The following HS6ST3 variants were observed in gnomAD, a reference collection of about 807,000 sequenced individuals.
HS6ST3 encodes the protein heparan-sulfate 6-O-sulfotransferase 3.
Under a neutral mutation model 36.7 loss-of-function variants are expected in HS6ST3, and 12 were observed. The ratio of observed to expected loss-of-function variants is 0.33; its 90% CI spans 0.21 to 0.53. The LOEUF is 0.53. HS6ST3 is among the 20% of genes least tolerant of loss of function. The probability of loss-of-function intolerance (pLI) is 0.95; values close to 1 mark genes in which losing one functional copy is unlikely to be tolerated. For missense variants in HS6ST3, 584 were observed against 640.9 expected (o/e 0.91, Z 0.96); for synonymous variants, 240 against 257.5 (o/e 0.93, Z 0.65).
intron 1 of HS6ST3, among the ~76,000 whole-genome samples, chr13:96,198,701 C>G (rs932530465): frequency 1.3e-5 from 2 of 152,208 alleles, no homozygotes; most frequent in South Asian, 4.1e-4. Context: ...CTGAGACCAA[C>G]TCAGCCTGGG....
intron 1 of HS6ST3, among the ~76,000 whole-genome samples, chr13:96,282,989 G>A (rs2139394701): frequency 6.6e-6 from 1 of 152,284 alleles, no homozygotes; most frequent in Non-Finnish European, 1.5e-5. Context: ...TCACTCTACA[G>A]CTGTCCCCAG....
At chr13:96,789,614 C>G (rs370990991) in intron 1 of HS6ST3, among the ~76,000 whole-genome samples, 21 of 151,408 alleles carry the variant, frequency 1.4e-4, no homozygotes, top group East Asian at 5.8e-4. Flanking sequence ...AATATATTCT[C>G]TTAGGTTCCA....
chr13:96,812,777 C>G (rs1045320733), intron 1 of HS6ST3, among the ~76,000 whole-genome samples: 8 of 145,450 alleles, frequency 5.5e-5, no homozygotes, highest in African/African-American at 2.1e-4. Flanking sequence ...ATTTAAAAAT[C>G]AACACACACA....
intron 1 of HS6ST3, among the ~76,000 whole-genome samples, chr13:96,450,082 C>T (rs2055720257): frequency 6.6e-6 from 1 of 152,094 alleles, no homozygotes; most frequent in African/African-American, 2.4e-5. Context: ...TTCCAAAGAC[C>T]CAACTAGTTG....
At chr13:96,398,832 G>A (rs1373487177) in intron 1 of HS6ST3, among the ~76,000 whole-genome samples, 2 of 152,188 alleles carry the variant, frequency 1.3e-5, no homozygotes, top group Non-Finnish European at 2.9e-5. Flanking sequence ...AGCAGTTGCT[G>A]GCCCTGGAGG....
chr13:96,706,222 A>G (rs985820742), intron 1 of HS6ST3, among the ~76,000 whole-genome samples: 1 of 151,860 alleles, frequency 6.6e-6, no homozygotes, highest in Non-Finnish European at 1.5e-5. Context: ...ATATGCCCCT[A>G]ACAAATGAAC....
intron 1 of HS6ST3, among the ~76,000 whole-genome samples, chr13:96,210,332 G>A (rs189733282): frequency 6.6e-6 from 1 of 152,158 alleles, no homozygotes; most frequent in Non-Finnish European, 1.5e-5. Context: ...GGAGAGAAGA[G>A]ACTTTTCCTG....
chr13:96,464,150 A>AAAAAAAAAAAAAAAAAAAAC (rs1394539627), intron 1 of HS6ST3, among the ~76,000 whole-genome samples: 1 of 148,106 alleles, frequency 6.8e-6, no homozygotes, highest in Non-Finnish European at 1.5e-5. Context: ...AAAAAAAAAA[A>AAAAAAAAAAAAAAAAAAAAC]AAAAAAAAAA....
At chr13:96,145,505 T>G (rs4773936) in intron 1 of HS6ST3, among the ~76,000 whole-genome samples, 2 of 152,160 alleles carry the variant, frequency 1.3e-5, no homozygotes, top group Admixed American at 1.3e-4. Flanking sequence ...GGGTTGTTTG[T>G]TTTTTTCTTG....
At chr13:96,799,977 T>TAC (rs1878015370) in intron 1 of HS6ST3, among the ~76,000 whole-genome samples, 1 of 90,256 alleles carries the variant, frequency 1.1e-5, no homozygotes, top group African/African-American at 6.3e-5. Context: ...TATATATATA[T>TAC]ATATGTATAT....
intron 1 of HS6ST3, among the ~76,000 whole-genome samples, chr13:96,318,698 G>T (rs1296647235): frequency 6.6e-6 from 1 of 151,946 alleles, no homozygotes; most frequent in Non-Finnish European, 1.5e-5. Context: ...TCAGATGGTT[G>T]TAAATGTGTG....
At chr13:96,793,291 G>A (rs573706490) in intron 1 of HS6ST3, among the ~76,000 whole-genome samples, 4 of 152,114 alleles carry the variant, frequency 2.6e-5, no homozygotes, top group Non-Finnish European at 5.9e-5. Flanking sequence ...GACTGACAAG[G>A]CAATAGAAGT....
chr13:96,211,766 A>T (rs2054400309), intron 1 of HS6ST3, among the ~76,000 whole-genome samples: 1 of 152,210 alleles, frequency 6.6e-6, no homozygotes, highest in African/African-American at 2.4e-5. Context: ...AAAATTTTAC[A>T]TTCAGGTTGT....
chr13:96,399,431 T>A lies in HS6ST3; in HGVS notation c.707+307862T>A, dbSNP rs190034730. Reference sequence around the variant, plus strand: ...GGTTTAGATTAATAGCAAGATTACTTACTGTTCACACCTCTTTATACAACA... The same window carrying A: ...GGTTTAGATTAATAGCAAGATTACTAACTGTTCACACCTCTTTATACAACA... On this transcript the variant is annotated intron_variant, in intron 1 of 1. Transcript: ENST00000376705. Among the ~76,000 whole-genome samples the A allele has an allele frequency of 1.4e-4, 22 of 152,340 alleles. No homozygotes were observed. The East Asian group carries it at 4.0e-3, about 28-fold the overall frequency.
At chr13:96,757,473 T>A (rs564613934) in intron 1 of HS6ST3, among the ~76,000 whole-genome samples, 20 of 152,324 alleles carry the variant, frequency 1.3e-4, no homozygotes, top group Admixed American at 2.6e-4. Flanking sequence ...AGGTTTTTTT[T>A]AAATATACTT....
At chr13:96,230,674 G>T (rs1429763944) in intron 1 of HS6ST3, among the ~76,000 whole-genome samples, 2 of 152,152 alleles carry the variant, frequency 1.3e-5, no homozygotes, top group Non-Finnish European at 2.9e-5. Flanking sequence ...GGATGGGAAT[G>T]GAGGAAGTGG....
At chr13:96,212,928 C>T (rs1325481595) in intron 1 of HS6ST3, among the ~76,000 whole-genome samples, 3 of 152,028 alleles carry the variant, frequency 2.0e-5, no homozygotes, top group Non-Finnish European at 4.4e-5. Context: ...CTCTCCAGAA[C>T]CCAAAAAGAG....
intron 1 of HS6ST3, among the ~76,000 whole-genome samples, chr13:96,120,219 C>G (rs1483951601): frequency 2.6e-5 from 4 of 152,180 alleles, no homozygotes; most frequent in African/African-American, 9.7e-5. Flanking sequence ...GGAAGGGTTC[C>G]CTGCAGGTTG....
At chr13:96,750,227 G>A (rs896778144) in intron 1 of HS6ST3, among the ~76,000 whole-genome samples, 1 of 152,212 alleles carries the variant, frequency 6.6e-6, no homozygotes, top group African/African-American at 2.4e-5. Context: ...CTCATAAAGT[G>A]TTAGTTACAT....
Sources: allele counts gnomAD v4.1 joint callset (sites outside exome capture counted in the v4.1 genomes callset), GRCh38; gene constraint gnomAD v4.1.1; transcripts MANE v1.5; gene names NCBI Gene and HGNC (gene_info 2026-07-23, HGNC 2026-07-21).